The following POPDC3 variants were observed in gnomAD, a reference collection of about 807,000 sequenced individuals.
POPDC3 encodes popeye domain cAMP effector 3, also known as popeye domain-containing protein 3.
A neutral mutation model predicts 28.2 loss-of-function variants in POPDC3; 20 were observed. The ratio of observed to expected loss-of-function variants is 0.71; its 90% CI spans 0.50 to 1.03. POPDC3 has a LOEUF of 1.03. POPDC3 is among the 50% of genes least tolerant of loss of function. The probability of loss-of-function intolerance (pLI) is 0.00; values close to 1 mark genes in which losing one functional copy is unlikely to be tolerated. For missense variants in POPDC3, 316 were observed against 345.9 expected, an observed-to-expected ratio of 0.91 and a Z score of 0.69; for synonymous variants, 118 against 124.1, an observed-to-expected ratio of 0.95 and a Z score of 0.33.
intron 1 of POPDC3, among the ~76,000 whole-genome samples, chr6:105,164,182 C>T (rs949150060): frequency 6.6e-6 from 1 of 152,170 alleles, no homozygotes; most frequent in African/African-American, 2.4e-5. Context: ...GAGCTCTGAA[C>T]TTTGGTTTGA....
chr6:105,158,892 C>T, intron 3 of POPDC3, 141 bp from the exon 4 acceptor site: 2 of 633,538 alleles, frequency 3.2e-6, no homozygotes, highest in Non-Finnish European at 2.7e-6. Context: ...CAATATATTG[C>T]AAAAATAGAA....
chr6:105,166,308 G>C (rs1774454001), intron 1 of POPDC3, among the ~76,000 whole-genome samples: 1 of 152,290 alleles, frequency 6.6e-6, no homozygotes, highest in Non-Finnish European at 1.5e-5. Context: ...CTTAACACCA[G>C]GTGTTTGACT....
chr6:105,179,425 C>T (rs1475410250), intron 1 of POPDC3, among the ~76,000 whole-genome samples: 1 of 152,116 alleles, frequency 6.6e-6, no homozygotes, highest in African/African-American at 2.4e-5. Context: ...GCTTTTCTCC[C>T]TTGCAAAACT....
At chr6:105,162,505 G>A (rs1167788553) in intron 1 of POPDC3, among the ~76,000 whole-genome samples, 6 of 151,964 alleles carry the variant, frequency 3.9e-5, no homozygotes, top group African/African-American at 1.5e-4. Context: ...GCTGAGGTGG[G>A]TGGATCACTT....
Position 105,161,773 on chromosome 6 carries a change from C to G in POPDC3, c.137G>C (p.Gly46Ala), listed in dbSNP as rs768408805. 1.9e-6 allele frequency: 3 copies of G among 1,614,180 alleles called. No individual in the cohort carries two copies. The highest frequency in any genetic ancestry group is 1.7e-6 in the Non-Finnish European group (2 of 1,180,036). Reference protein sequence around the residue: ...LFVVGFMGGSGFFGLLYVFSL... With the variant: ...LFVVGFMGGSAFFGLLYVFSL... ...GAAGACATAAAGGAGCCCGAAGAAT[C>G]CACTGCCACCCATGAAACCTACTAC... The change falls in exon 2 of 4, where the codon GGA becomes GCA. Residue 46 changes from glycine (G) to alanine (A), a missense_variant. Physicochemically the swap from Gly to Ala is moderately conservative, Grantham distance 60. Transcript: ENST00000254765.
chr6:105,175,092 G>A (rs4945717), intron 1 of POPDC3, among the ~76,000 whole-genome samples: 108,485 of 151,736 alleles, frequency 0.71, 42,404 homozygotes, highest in East Asian at 0.88. Flanking sequence ...ACTTGAACCC[G>A]GGAGGCTGAG....
At chr6:105,174,022 G>C (rs567598317) in intron 1 of POPDC3, among the ~76,000 whole-genome samples, 3 of 152,178 alleles carry the variant, frequency 2.0e-5, no homozygotes, top group Non-Finnish European at 2.9e-5. Flanking sequence ...ACTCCGGGCA[G>C]AAAAAGCAAA....
At position 105,159,772 on chromosome 6, in the gene POPDC3, A is replaced by G. The variant is rs1406542146; in HGVS notation, c.533T>C (p.Leu178Pro). The change falls in exon 3 of 4, where the codon CTT becomes CCT. Residue 178 changes from leucine to proline, a missense_variant. Leu to Pro is a moderately conservative substitution (Grantham distance 98). Coordinates refer to ENST00000254765, the MANE Select transcript of POPDC3 (RefSeq NM_022361.5). The stretch of plus-strand genomic sequence containing the variant: ...CCACTCAGGAGAATCCAGGAACTGA[A>G]GGGGGAAAATGTAATGCAGAAATTC... ...DGEFLHYIFPLQFLDSPEWDS... is the reference protein window; with the variant it reads ...DGEFLHYIFPPQFLDSPEWDS... The G allele has an allele frequency of 1.2e-6, 2 of 1,612,278 alleles. No homozygotes were observed. The highest frequency in any genetic ancestry group is 1.7e-5 in the Admixed American group (1 of 59,942).
At chr6:105,171,979 C>T (rs1774586102) in intron 1 of POPDC3, among the ~76,000 whole-genome samples, 1 of 150,966 alleles carries the variant, frequency 6.6e-6, no homozygotes, top group Admixed American at 6.6e-5. Context: ...CCACTGTGCC[C>T]AGCCATTAAA....
At chr6:105,159,971 A>G in intron 2 of POPDC3, 152 bp from the exon 3 acceptor site, 2 of 551,756 alleles carry the variant, frequency 3.6e-6, no homozygotes, top group South Asian at 2.2e-5. Context: ...CATACATTAT[A>G]ATAAGTGACA....
intron 1 of POPDC3, chr6:105,177,195 C>G (rs1774697285): frequency 6.5e-6 from 1 of 153,110 alleles, no homozygotes. Context: ...GGACCAGTCG[C>G]TGCCCATCCA....
chr6:105,162,888 G>A (rs1231243724), intron 1 of POPDC3, among the ~76,000 whole-genome samples: 1 of 152,176 alleles, frequency 6.6e-6, no homozygotes, highest in Non-Finnish European at 1.5e-5. Context: ...GAGGGATACT[G>A]TCTGATAATA....
At chr6:105,179,116 C>T (rs1562159324) in intron 1 of POPDC3, 2 of 985,298 alleles carry the variant, frequency 2.0e-6, no homozygotes, top group Non-Finnish European at 2.4e-6. Flanking sequence ...TTGGTTGTGC[C>T]TTTCATCTTT....
chr6:105,170,074 A>G (rs761800066), intron 1 of POPDC3: 2 of 152,210 alleles, frequency 1.3e-5, no homozygotes, highest in East Asian at 1.9e-4. Context: ...ACTCAGCCCT[A>G]TAGTTGTGAA....
At chr6:105,173,904 A>G (rs1774631415) in intron 1 of POPDC3, among the ~76,000 whole-genome samples, 1 of 152,200 alleles carries the variant, frequency 6.6e-6, no homozygotes, top group Non-Finnish European at 1.5e-5. Flanking sequence ...TCCAATAGAA[A>G]GAACAGAAAT....
At chr6:105,160,372 C>G (rs1259038404) in intron 2 of POPDC3, among the ~76,000 whole-genome samples, 2 of 151,618 alleles carry the variant, frequency 1.3e-5, no homozygotes, top group South Asian at 4.2e-4. Context: ...CTACGATGTC[C>G]AGCTAAGTTT....
At position 105,173,880 on chromosome 6, in the gene POPDC3, GAAC is replaced by G. The variant is rs553229851; in HGVS notation, c.-252+5950_-252+5952del. On this transcript the variant is annotated intron_variant, in intron 1 of 3. Transcript: ENST00000254765. ...GGAAAAAAAAAAACCCTGAAATTAA[GAAC>G]AACAGATTATTCCAATAGAAAGAAC... 2.4e-4 allele frequency among the ~76,000 whole-genome samples: 36 copies of G among 151,140 alleles called. 1 individual carries two copies. In the South Asian group the frequency reaches 6.7e-3, roughly 28 times the overall value.
At chr6:105,176,838 C>T (rs749469887) in intron 1 of POPDC3, among the ~76,000 whole-genome samples, 13 of 152,164 alleles carry the variant, frequency 8.5e-5, no homozygotes, top group Non-Finnish European at 1.2e-4. Context: ...GGATTACAGG[C>T]GTGAGCCACC....
At chr6:105,158,895 A>T in intron 3 of POPDC3, 144 bp from the exon 4 acceptor site, 2 of 615,510 alleles carry the variant, frequency 3.2e-6, no homozygotes, top group East Asian at 5.2e-5. Flanking sequence ...TATATTGCAA[A>T]AATAGAAACT....
Sources: allele counts gnomAD v4.1 joint callset (sites outside exome capture counted in the v4.1 genomes callset), GRCh38; gene constraint gnomAD v4.1.1; transcripts MANE v1.5; gene names NCBI Gene and HGNC (gene_info 2026-07-23, HGNC 2026-07-21).